ITCH: variants seen among roughly 807,000 people sequenced by gnomAD.
The protein encoded by ITCH is E3 ubiquitin-protein ligase Itchy homolog.
A neutral mutation model predicts 126.8 loss-of-function variants in ITCH; 28 were observed. That is an observed-to-expected ratio of 0.22 (90% CI 0.16 to 0.30). The LOEUF (loss-of-function observed/expected upper bound fraction) is 0.30, where lower values mean the gene tolerates loss of function less well. Among genes scored for constraint, ITCH ranks in the 10% least tolerant of loss-of-function variants. ITCH has a pLI of 1.00. For synonymous variants in ITCH, 342 were observed against 340.0 expected (o/e 1.01, Z -0.06); for missense variants, 631 against 1,032.4 (o/e 0.61, Z 5.33).
intron 17 of ITCH, 169 bp downstream of exon 17, chr20:34,478,029 C>A: frequency 1.2e-6 from 1 of 816,478 alleles, no homozygotes. Flanking sequence ...ACATTTAATT[C>A]AGCACTTTCT....
intron 2 of ITCH, among the ~76,000 whole-genome samples, chr20:34,380,135 C>T (rs541745205): frequency 6.6e-5 from 10 of 151,936 alleles, no homozygotes; most frequent in Non-Finnish European, 1.3e-4. Context: ...TGACCTTCCT[C>T]AGCTGGGATT....
rs189649946 is a variant in ITCH at position 34,407,657 on chromosome 20, C to T, written c.71-994C>T. Among the ~76,000 whole-genome samples, 331 of 152,268 alleles carry T rather than the reference C, an allele frequency of 2.2e-3. 12 individuals are homozygous for T. In the South Asian group the frequency reaches 0.05, roughly 23 times the overall value. On this transcript the variant is annotated intron_variant, in intron 3 of 24. Transcript: ENST00000374864. ...CCTTCCTGTGCTTGCTATACTTTCC[C>T]TCAGATATGCCATACTCATTTGCCT...
chr20:34,450,545 TACTC>T (rs1325946789), intron 12 of ITCH, among the ~76,000 whole-genome samples: 6 of 152,314 alleles, frequency 3.9e-5, no homozygotes, highest in Admixed American at 1.3e-4. Flanking sequence ...TGTTATGTAA[TACTC>T]ACAGCATTAT....
At chr20:34,492,729 G>C in intron 23 of ITCH, 132 bp downstream of exon 23, 2 of 712,374 alleles carry the variant, frequency 2.8e-6, no homozygotes, top group Non-Finnish European at 5.1e-6. Flanking sequence ...AGTTAGCATG[G>C]ATTTGTATAA....
chr20:34,385,342 C>T (rs1173455561), intron 2 of ITCH, among the ~76,000 whole-genome samples: 8 of 150,846 alleles, frequency 5.3e-5, no homozygotes, highest in Admixed American at 3.3e-4. Flanking sequence ...GGATTACAGG[C>T]ATGAAGCATC....
At chr20:34,436,779 T>C (rs959313919) in intron 7 of ITCH, among the ~76,000 whole-genome samples, 2 of 152,194 alleles carry the variant, frequency 1.3e-5, no homozygotes, top group Non-Finnish European at 2.9e-5. Flanking sequence ...AGACCACACT[T>C]TGAATAGAAA....
intron 2 of ITCH, among the ~76,000 whole-genome samples, chr20:34,382,889 A>G (rs1437685876): frequency 2.0e-5 from 3 of 151,130 alleles, no homozygotes; most frequent in African/African-American, 7.3e-5. Flanking sequence ...GATTACAGGC[A>G]CGCACCGCCA....
chr20:34,436,390 A>G (rs1327943794), intron 7 of ITCH, among the ~76,000 whole-genome samples: 6 of 152,216 alleles, frequency 3.9e-5, no homozygotes, highest in Non-Finnish European at 1.5e-5. Context: ...CTGTTATTTA[A>G]AAAGCAGCAG....
At position 34,415,862 on chromosome 20, in the gene ITCH, G is replaced by C. The variant is rs532254762; in HGVS notation, c.475+1983G>C. 2.5e-3 allele frequency among the ~76,000 whole-genome samples: 374 copies of C among 152,216 alleles called. 2 individuals are homozygous for C. The highest frequency in any genetic ancestry group is 3.2e-3 in the Non-Finnish European group (220 of 67,990). ...ATAATTGCTGGACGCGGTGGCTCAC[G>C]CCTGTAATCCCAGCACTTTGGGAGG... is the stretch of plus-strand genomic sequence containing the variant. On this transcript the variant is annotated intron_variant, in intron 6 of 24. Coordinates refer to ENST00000374864, the MANE Select transcript of ITCH (RefSeq NM_031483.7).
chr20:34,419,298 T>C (rs1350508765), intron 6 of ITCH, among the ~76,000 whole-genome samples: 1 of 152,190 alleles, frequency 6.6e-6, no homozygotes, highest in Non-Finnish European at 1.5e-5. Context: ...AATTAGAGTA[T>C]TAACAATATC....
chr20:34,500,354 T>C (rs1424062053), intron 23 of ITCH, among the ~76,000 whole-genome samples: 1 of 152,196 alleles, frequency 6.6e-6, no homozygotes, highest in African/African-American at 2.4e-5. Context: ...CTGGGTTCTT[T>C]GGTGTTGGGT....
Position 34,511,653 on chromosome 20 carries a change from G to A in ITCH, c.*3859G>A, listed in dbSNP as rs1243020452. ...GTTTATTTCTGTAACCAGGTATGGG[G>A]AGAAAGCCTGGAAATGATCCCAAGA... is the stretch of plus-strand genomic sequence containing the variant. On this transcript the variant is annotated 3_prime_UTR_variant, in exon 25 of 25. Transcript: ENST00000374864. Among the ~76,000 whole-genome samples, 1 of 152,202 alleles carries A rather than the reference G, an allele frequency of 6.6e-6. No homozygotes were observed. Among genetic ancestry groups the A allele is most frequent in the Non-Finnish European group, 1.5e-5 (1 of 68,032 alleles).
chr20:34,511,324 A>G lies in ITCH; in HGVS notation c.*3530A>G, dbSNP rs1978785446. On this transcript the variant is annotated 3_prime_UTR_variant, in exon 25 of 25. Transcript: ENST00000374864. ...TCAAATGCTTTTATAAAGTTCCTTC[A>G]GTGGTTGCCTCACTTGCGTTTTCCT... 1 of 152,310 alleles carries G rather than the reference A, an allele frequency of 6.6e-6. No homozygotes were observed. The highest frequency in any genetic ancestry group is 2.1e-4 in the South Asian group (1 of 4,822). 9.4% of individuals were successfully genotyped at this position (152,310 alleles called of 1,614,324 possible).
chr20:34,379,634 A>AC (rs1000440314), intron 2 of ITCH, among the ~76,000 whole-genome samples: 4 of 138,278 alleles, frequency 2.9e-5, no homozygotes, highest in African/African-American at 8.2e-5. Flanking sequence ...TCGCTCTGTC[A>AC]CCCAGGCTGG....
At chr20:34,435,881 C>A (rs1025356933) in intron 7 of ITCH, among the ~76,000 whole-genome samples, 17 of 151,962 alleles carry the variant, frequency 1.1e-4, no homozygotes, top group Non-Finnish European at 2.1e-4. Flanking sequence ...TGTGATGAGA[C>A]TGAATAAAAG....
rs143926976 is a variant in ITCH at position 34,467,122 on chromosome 20, T to C, written c.1425-2926T>C. On this transcript the variant is annotated intron_variant, in intron 14 of 24. Transcript: ENST00000374864. ...AAGGGTATATTTATGCCAATAACTT[T>C]AACATTTTAGATCAAATGGACAAAT... Among the ~76,000 whole-genome samples, 11 of 152,362 alleles carry C rather than the reference T, an allele frequency of 7.2e-5. No homozygotes were observed. In the East Asian group the frequency reaches 1.9e-3, roughly 27 times the overall value.
intron 20 of ITCH, 23 bp from the exon 21 acceptor site, chr20:34,489,243 G>GT (rs1476459141): frequency 6.2e-7 from 1 of 1,610,384 alleles, no homozygotes; most frequent in South Asian, 1.1e-5. Context: ...TTCCTGATAG[G>GT]TTTTTTCATA....
chr20:34,482,832 A>G (rs150684224), intron 20 of ITCH, among the ~76,000 whole-genome samples: 97 of 152,272 alleles, frequency 6.4e-4, no homozygotes, highest in Non-Finnish European at 1.1e-3. Flanking sequence ...GACCTAGCAG[A>G]GGTTCTCTGT....
intron 11 of ITCH, among the ~76,000 whole-genome samples, chr20:34,446,469 C>T (rs1458233304): frequency 6.6e-6 from 1 of 152,148 alleles, no homozygotes; most frequent in Non-Finnish European, 1.5e-5. Context: ...TCACCTTTAT[C>T]AGCAGCCTTC....
Sources: allele counts gnomAD v4.1 joint callset (sites outside exome capture counted in the v4.1 genomes callset), GRCh38; gene constraint gnomAD v4.1.1; transcripts MANE v1.5; gene names NCBI Gene and HGNC (gene_info 2026-07-23, HGNC 2026-07-21).